Variants in PFKP observed in about 807,000 individuals in gnomAD.
The protein encoded by PFKP is phosphofructokinase, platelet.
In PFKP, 101 loss-of-function variants were observed where a neutral mutation model predicts 94.3. The ratio of observed to expected loss-of-function variants is 1.07; its 90% confidence interval spans 0.91 to 1.26. The LOEUF is 1.26. PFKP is among the 50% of genes most tolerant of loss of function. The pLI, the probability that PFKP is intolerant of heterozygous loss-of-function variation, is 0.00. For missense variants in PFKP, 1,145 were observed against 1,103.3 expected (o/e 1.04, Z -0.53); for synonymous variants, 573 against 432.6 (o/e 1.32, Z -4.03).
chr10:3,100,026 T>C (rs976008935), intron 3 of PFKP, among the ~76,000 whole-genome samples: 5 of 150,882 alleles, frequency 3.3e-5, no homozygotes, highest in African/African-American at 1.2e-4. Context: ...GGTGTGTGTA[T>C]ATGTGGTGTC....
At chr10:3,127,059 G>A (rs1838033903) in intron 16 of PFKP, among the ~76,000 whole-genome samples, 1 of 152,272 alleles carries the variant, frequency 6.6e-6, no homozygotes, top group South Asian at 2.1e-4. Flanking sequence ...GCCGCGCTTG[G>A]GATCTGCCGC....
rs11542780 is a variant in PFKP at position 3,108,769 on chromosome 10, C to T, written c.939C>T (p.Thr313=). Residue 313 remains threonine (T), a synonymous_variant, in exon 9 of 22, where the codon ACC becomes ACT. Coordinates refer to ENST00000381125, the MANE Select transcript of PFKP (RefSeq NM_002627.5). ...TCGGGCACGTGCAGAGAGGAGGGAC[C>T]CCTTCGGCATTCGACAGGATCTTGG... ...TILGHVQRGG[T]PSAFDRILAS... is the part of the protein sequence containing the mutation. 4,891 of 1,613,300 alleles carry T rather than the reference C, an allele frequency of 3.0e-3. 133 individuals carry two copies. The African/African-American group carries it at 0.058, about 19-fold the overall frequency.
chr10:3,086,885 C>CCTGCTGT (rs1186565601), intron 2 of PFKP, among the ~76,000 whole-genome samples: 1 of 152,140 alleles, frequency 6.6e-6, no homozygotes, highest in Non-Finnish European at 1.5e-5. Context: ...CAGACCTGTG[C>CCTGCTGT]CTGCTGTCTG....
At chr10:3,102,791 G>A (rs748653727) in intron 4 of PFKP, among the ~76,000 whole-genome samples, 7 of 152,314 alleles carry the variant, frequency 4.6e-5, no homozygotes, top group Non-Finnish European at 7.3e-5. Flanking sequence ...GATGAGAGGC[G>A]GCATTGAGGC....
At chr10:3,072,301 C>T (rs935547296) in intron 1 of PFKP, among the ~76,000 whole-genome samples, 2 of 152,324 alleles carry the variant, frequency 1.3e-5, no homozygotes, top group African/African-American at 4.8e-5. Context: ...AGGTCAATGA[C>T]ACACATATTT....
intron 16 of PFKP, among the ~76,000 whole-genome samples, chr10:3,122,732 G>A (rs1837552678): frequency 1.3e-5 from 2 of 152,230 alleles, no homozygotes; most frequent in African/African-American, 2.4e-5. Flanking sequence ...TTTGAGGTCT[G>A]TAGATGGCTC....
chr10:3,132,412 G>T lies in PFKP; in HGVS notation c.1881G>T (p.Lys627Asn). Reference protein sequence around the residue: ...SNVEHLTEKMKTTIQRGLVLR... With the variant: ...SNVEHLTEKMNTTIQRGLVLR... Reference sequence around the variant, plus strand: ...TGGAGCACCTGACGGAGAAAATGAAGACCACCATCCAGAGAGGCCTTGTGC... The same window carrying T: ...TGGAGCACCTGACGGAGAAAATGAATACCACCATCCAGAGAGGCCTTGTGC... Residue 627 changes from lysine (K) to asparagine (N), a missense_variant, in exon 18 of 22, where the codon AAG becomes AAT. By Grantham distance (94) the Lys-to-Asn change is moderately conservative (BLOSUM62 0). Around this residue, in one of 3 missense-constraint regions of PFKP, gnomAD observed 1,119 missense variants for 1,062.8 expected, o/e 1.05. Coordinates refer to ENST00000381125, the MANE Select transcript of PFKP (RefSeq NM_002627.5). 1 of 1,612,834 alleles carries T rather than the reference G, an allele frequency of 6.2e-7. No individual in the cohort carries two copies. Among genetic ancestry groups the T allele is most frequent in the South Asian group, 1.1e-5 (1 of 91,038 alleles).
chr10:3,112,964 C>T (rs773601797), intron 11 of PFKP, among the ~76,000 whole-genome samples, 155 bp from the exon 12 acceptor site: 3 of 152,274 alleles, frequency 2.0e-5, no homozygotes, highest in Admixed American at 6.5e-5. Flanking sequence ...GCTAAGGGCT[C>T]TGCCATGCAC....
chr10:3,106,281 G>A (rs1476185109), intron 7 of PFKP, among the ~76,000 whole-genome samples: 2 of 51,120 alleles, frequency 3.9e-5, no homozygotes, highest in African/African-American at 1.7e-4. Flanking sequence ...AAAGCATGGC[G>A]TGCACGGGGC....
chr10:3,125,245 T>C (rs1837822645), intron 16 of PFKP: 3 of 1,316,314 alleles, frequency 2.3e-6, no homozygotes, highest in Middle Eastern at 2.2e-4. Context: ...AATGCTGTTG[T>C]TGAGGTAAGA....
chr10:3,116,369 C>G (rs1020413726), intron 13 of PFKP, among the ~76,000 whole-genome samples: 7 of 152,290 alleles, frequency 4.6e-5, no homozygotes, highest in African/African-American at 1.7e-4. Flanking sequence ...CTGCGATTAC[C>G]TTAGTTTGCT....
At chr10:3,081,977 CTTTTTTTTTTTTTTTTTTTTTT>C (rs547880338) in intron 1 of PFKP, among the ~76,000 whole-genome samples, 2 of 68,440 alleles carry the variant, frequency 2.9e-5, no homozygotes, top group Non-Finnish European at 5.1e-5. Context: ...AGCCCATTGC[CTTTTTTTTTTTTTTTTTTTTTT>C]TTTTTTTTTT....
At chr10:3,133,782 T>G (rs1354039866) in intron 19 of PFKP, among the ~76,000 whole-genome samples, 1 of 152,154 alleles carries the variant, frequency 6.6e-6, no homozygotes, top group Non-Finnish European at 1.5e-5. Flanking sequence ...TTAGGATTCT[T>G]TTGTTGGTGA....
chr10:3,101,575 C>T lies in PFKP; in HGVS notation c.454+21C>T, dbSNP rs766699073. 3 of 1,490,832 alleles carry T rather than the reference C, an allele frequency of 2.0e-6. No homozygotes were observed. The East Asian group carries it at 7.1e-5, about 35-fold the overall frequency. The allele number at this position is 1,490,832 out of a possible 1,614,324, so 92.4% of individuals were successfully genotyped here. A position where few individuals can be genotyped will look rare whatever the true frequency, so the allele number is the denominator to read the frequency against. On this transcript the variant is annotated intron_variant, in intron 4 of 21. Transcript: ENST00000381125. ...GAACGGTGAGTGGACACCTGCTCCT[C>T]TGTCCTGCGGGTTTTCGCCCTGTTT... is the stretch of plus-strand genomic sequence containing the variant.
At chr10:3,135,012 G>C (rs1316781806) in intron 20 of PFKP, among the ~76,000 whole-genome samples, 1 of 151,522 alleles carries the variant, frequency 6.6e-6, no homozygotes, top group Non-Finnish European at 1.5e-5. Context: ...AGAACTGCAT[G>C]TTCGTAGAAC....
intron 4 of PFKP, among the ~76,000 whole-genome samples, chr10:3,101,764 C>T (rs568132298): frequency 2.6e-4 from 39 of 152,308 alleles, no homozygotes; most frequent in African/African-American, 8.4e-4. Context: ...AGGCACCCTT[C>T]GACCTTTCAC....
intron 2 of PFKP, among the ~76,000 whole-genome samples, chr10:3,090,447 G>C (rs762184742): frequency 6.6e-6 from 1 of 152,206 alleles, no homozygotes; most frequent in Non-Finnish European, 1.5e-5. Context: ...GCTTTTCAGG[G>C]ATGAGACGCG....
At chr10:3,108,661 G>A (rs758245969) in intron 8 of PFKP, 40 bp from the exon 9 acceptor site, 19 of 1,478,956 alleles carry the variant, frequency 1.3e-5, no homozygotes, top group Middle Eastern at 1.7e-4. Context: ...TGCTGTGTCC[G>A]CATCACAGTT....
chr10:3,090,579 G>A (rs767120886), intron 2 of PFKP, among the ~76,000 whole-genome samples: 19 of 151,972 alleles, frequency 1.3e-4, no homozygotes, highest in African/African-American at 2.2e-4. Context: ...TGGTCTCTGC[G>A]TCATACCCAC....
Sources: gnomAD v4.1 joint callset for allele counts (sites outside exome capture counted in the v4.1 genomes callset) on GRCh38, gnomAD v4.1.1 for gene constraint, gnomAD v4.1.1 regional missense constraint, MANE v1.5 for transcripts, NCBI Gene and HGNC (gene_info 2026-07-23, HGNC 2026-07-21) for gene names.